Variants in ERC1 observed in about 807,000 individuals in gnomAD.
ERC1 encodes the protein ELKS/RAB6-interacting/CAST family member 1, also known as RAB6 interacting protein 2.
ERC1 carries 56 observed loss-of-function variants against 132.0 expected under a neutral mutation model. The observed-to-expected ratio is 0.42, with a 90% CI of 0.34 to 0.53. The LOEUF is 0.53. ERC1 is among the 20% of genes least tolerant of loss of function. ERC1 has a pLI of 0.03. For synonymous variants in ERC1, 478 were observed against 476.1 expected (o/e 1.00, Z -0.05); for missense variants, 1,202 against 1,349.9 (o/e 0.89, Z 1.72).
At chr12:1,050,684 C>T (rs1971792601) in intron 2 of ERC1, among the ~76,000 whole-genome samples, 1 of 151,980 alleles carries the variant, frequency 6.6e-6, no homozygotes, top group Non-Finnish European at 1.5e-5. Flanking sequence ...CACTACTACA[C>T]GTGGAAAACA....
At chr12:1,146,669 A>G (rs1043987770) in intron 8 of ERC1, among the ~76,000 whole-genome samples, 1 of 151,184 alleles carries the variant, frequency 6.6e-6, no homozygotes, top group Non-Finnish European at 1.5e-5. Context: ...ACATGTGCAC[A>G]ATGTGCAGGT....
chr12:1,324,141 TTACAA>T (rs2082295718), intron 15 of ERC1, among the ~76,000 whole-genome samples: 1 of 152,210 alleles, frequency 6.6e-6, no homozygotes, highest in Non-Finnish European at 1.5e-5. Context: ...ATCTGATAAA[TTACAA>T]TGAGCAAGTG....
At chr12:1,320,727 A>G (rs2154353753) in intron 15 of ERC1, among the ~76,000 whole-genome samples, 1 of 152,206 alleles carries the variant, frequency 6.6e-6, no homozygotes, top group Admixed American at 6.5e-5. Context: ...TTTGAGACGG[A>G]ATCTCACTCT....
intron 8 of ERC1, among the ~76,000 whole-genome samples, chr12:1,177,627 C>T (rs935927175): frequency 6.6e-6 from 1 of 152,152 alleles, no homozygotes; most frequent in African/African-American, 2.4e-5. Flanking sequence ...TCATGGCACC[C>T]CAGATAAATT....
chr12:1,329,902 T>G (rs959111624), intron 15 of ERC1, among the ~76,000 whole-genome samples: 3 of 152,182 alleles, frequency 2.0e-5, no homozygotes, highest in Non-Finnish European at 4.4e-5. Flanking sequence ...TTGACCCCAC[T>G]TTTCTAGTGT....
At chr12:1,425,376 A>G (rs1453061133) in intron 17 of ERC1, among the ~76,000 whole-genome samples, 1 of 152,204 alleles carries the variant, frequency 6.6e-6, no homozygotes, top group Non-Finnish European at 1.5e-5. Flanking sequence ...CCTTCCCCAC[A>G]GACTTGTAGA....
rs181572161 is a variant in ERC1 at position 1,235,554 on chromosome 12, G to A, written c.2352-1215G>A. Among the ~76,000 whole-genome samples, 42 of 152,282 alleles carry A rather than the reference G, an allele frequency of 2.8e-4. No individual in the cohort carries two copies. The East Asian group carries it at 3.9e-3, about 14-fold the overall frequency. On this transcript the variant is annotated intron_variant, in intron 12 of 18. Transcript: ENST00000360905. ...CACAAATAGCTATTTCACAGAAGTG[G>A]AAACAGGAATGGCCAAATACTGTAT...
chr12:1,026,176 A>T (rs551282470), intron 1 of ERC1, among the ~76,000 whole-genome samples: 2 of 152,208 alleles, frequency 1.3e-5, no homozygotes, highest in East Asian at 3.9e-4. Flanking sequence ...TGAGGAGCAA[A>T]ATTATGTCTT....
At chr12:1,132,724 T>C (rs567446884) in intron 7 of ERC1, among the ~76,000 whole-genome samples, 121 of 152,320 alleles carry the variant, frequency 7.9e-4, no homozygotes, top group Admixed American at 2.9e-3. Context: ...GGCTTTTTTC[T>C]GAAATTAATG....
intron 18 of ERC1, among the ~76,000 whole-genome samples, chr12:1,452,707 C>CT (rs1166178322): frequency 2.3e-4 from 35 of 151,984 alleles, no homozygotes; most frequent in South Asian, 1.2e-3. Context: ...AGTTCACTTT[C>CT]TTTTTGTGTG....
chr12:1,225,965 G>T (rs2074543695), intron 12 of ERC1, among the ~76,000 whole-genome samples: 1 of 151,978 alleles, frequency 6.6e-6, no homozygotes, highest in Non-Finnish European at 1.5e-5. Flanking sequence ...TTCTCCATTT[G>T]TTTGTCTTCT....
At chr12:1,003,038 T>G (rs1012144191) in intron 1 of ERC1, among the ~76,000 whole-genome samples, 4 of 128,338 alleles carry the variant, frequency 3.1e-5, no homozygotes, top group Admixed American at 1.0e-4. Context: ...ATTGCTTGAG[T>G]CCAGGAGTTC....
In ERC1 at chr12:1,279,916, G is replaced by A. The variant is rs146617543; in HGVS notation, c.2620-9936G>A. Among the ~76,000 whole-genome samples, 6 of 152,088 alleles carry A rather than the reference G, an allele frequency of 3.9e-5. No homozygotes were observed. In the East Asian group the frequency reaches 5.8e-4, roughly 15 times the overall value. On this transcript the variant is annotated intron_variant, in intron 14 of 18. Coordinates refer to ENST00000360905, the MANE Select transcript of ERC1 (RefSeq NM_178040.4). ...TCACCATGTTGGCCAGGCTGGTCTC[G>A]AACTCCTGACCTCATGATCCACCCT...
chr12:1,343,777 A>G (rs1397831264), intron 15 of ERC1, among the ~76,000 whole-genome samples: 2 of 152,176 alleles, frequency 1.3e-5, no homozygotes, highest in South Asian at 2.1e-4. Flanking sequence ...CTTCTAAACT[A>G]CCTGCCAGTA....
chr12:1,422,320 T>C (rs779161031), intron 17 of ERC1, among the ~76,000 whole-genome samples: 11 of 152,210 alleles, frequency 7.2e-5, no homozygotes, highest in Non-Finnish European at 1.3e-4. Flanking sequence ...AGCAATTTTA[T>C]ATTCATTAAC....
intron 2 of ERC1, among the ~76,000 whole-genome samples, chr12:1,073,384 G>A (rs1940771244): frequency 1.3e-5 from 2 of 152,084 alleles, no homozygotes; most frequent in South Asian, 4.1e-4. Context: ...CTACTGTCTA[G>A]GAGATGAGGT....
intron 14 of ERC1, among the ~76,000 whole-genome samples, chr12:1,277,398 G>T (rs145803022): frequency 1.3e-5 from 2 of 152,238 alleles, no homozygotes; most frequent in South Asian, 2.1e-4. Flanking sequence ...TTTGACATTA[G>T]GTTTTTCAAG....
At chr12:1,062,184 C>T (rs948723883) in intron 2 of ERC1, among the ~76,000 whole-genome samples, 9 of 151,970 alleles carry the variant, frequency 5.9e-5, no homozygotes, top group Admixed American at 1.3e-4. Context: ...AGGGTTTCAC[C>T]GTGTTAGCCA....
chr12:1,236,713 A>G (rs2075437541), intron 12 of ERC1, 56 bp from the exon 13 acceptor site: 1 of 1,542,140 alleles, frequency 6.5e-7, no homozygotes, highest in Non-Finnish European at 8.8e-7. Context: ...CTAGATAAAC[A>G]TATTTGTTTC....
Sources: allele counts gnomAD v4.1 joint callset (sites outside exome capture counted in the v4.1 genomes callset), GRCh38; gene constraint gnomAD v4.1.1; transcripts MANE v1.5; gene names NCBI Gene and HGNC (gene_info 2026-07-23, HGNC 2026-07-21).